The following MBTPS1 variants were observed in gnomAD, a reference collection of about 807,000 sequenced individuals.
MBTPS1 encodes membrane bound transcription factor peptidase, site 1, also known as membrane-bound transcription factor site-1 protease.
MBTPS1 carries 94 observed loss-of-function variants against 127.8 expected under a neutral mutation model. The observed-to-expected ratio is 0.74, with a 90% CI of 0.62 to 0.87. The LOEUF (loss-of-function observed/expected upper bound fraction) is 0.87. Ranked by LOEUF, MBTPS1 falls within the 40% of genes least tolerant of loss-of-function variation. The probability of loss-of-function intolerance (pLI) is 0.00; values close to 1 mark genes in which losing one functional copy is unlikely to be tolerated. For missense variants in MBTPS1, 1,636 were observed against 1,353.2 expected (o/e 1.21, Z -3.28); for synonymous variants, 632 against 509.4 (o/e 1.24, Z -3.24).
In MBTPS1 at chr16:84,065,687, T is replaced by TAC. The variant is rs1256918314; in HGVS notation, c.2431+1_2431+2dup. ...CAAAAGGCCCATGAATGGCATCCTT[T>TAC]ACCTTGGTCCTTGAAAGTCTGTGTT... is the stretch of plus-strand genomic sequence containing the variant. On this transcript the variant is annotated splice_region_variant and intron_variant, in intron 18 of 22. Coordinates refer to ENST00000343411, the MANE Select transcript of MBTPS1 (RefSeq NM_003791.4). The TAC allele has an allele frequency of 6.2e-7, 1 of 1,610,042 alleles. No individual in the cohort carries two copies. The highest frequency in any genetic ancestry group is 8.5e-7 in the Non-Finnish European group (1 of 1,176,532).
At chr16:84,111,719 G>A (rs1334326105) in intron 1 of MBTPS1, among the ~76,000 whole-genome samples, 2 of 152,182 alleles carry the variant, frequency 1.3e-5, no homozygotes, top group South Asian at 2.1e-4. Context: ...TCAGTGAGGC[G>A]GATTCTGGAC....
At position 84,087,472 on chromosome 16, in the gene MBTPS1, C is replaced by CAA; in HGVS notation, c.1032-13_1032-12insTT. The CAA allele has an allele frequency of 6.1e-6, 6 of 981,896 alleles. No homozygotes were observed. The highest frequency in any genetic ancestry group is 4.3e-5 in the South Asian group (2 of 46,692). 60.8% of individuals were successfully genotyped at this position (981,896 alleles called of 1,614,324 possible). On this transcript the variant is annotated splice_polypyrimidine_tract_variant and intron_variant, in intron 8 of 22. Transcript: ENST00000343411. ...GGTTATTCAGAGTGCTATATTGAGA[C>CAA]CAAAAAAAAAAAAAAAGAAAAGAAA...
chr16:84,067,547 T>C (rs898682642), intron 16 of MBTPS1, 120 bp downstream of exon 16: 5 of 797,296 alleles, frequency 6.3e-6, no homozygotes, highest in Non-Finnish European at 1.0e-5. Flanking sequence ...TCAAGCTCTC[T>C]GAATGTGTCT....
intron 11 of MBTPS1, among the ~76,000 whole-genome samples, chr16:84,078,894 G>A (rs761190233): frequency 3.9e-5 from 6 of 152,214 alleles, no homozygotes; most frequent in East Asian, 1.9e-4. Context: ...AGGCGTGTGC[G>A]GAAGCCTGGT....
At chr16:84,095,460 T>A (rs1411351879) in intron 4 of MBTPS1, 142 bp downstream of exon 4, 4 of 784,168 alleles carry the variant, frequency 5.1e-6, no homozygotes, top group East Asian at 5.4e-5. Flanking sequence ...GTAAGAAGGT[T>A]AGATGTGGAA....
intron 14 of MBTPS1, among the ~76,000 whole-genome samples, chr16:84,069,024 G>A (rs1416978188): frequency 2.0e-5 from 3 of 152,134 alleles, no homozygotes; most frequent in Non-Finnish European, 4.4e-5. Context: ...CAGGCCAACG[G>A]GCTTGCCTTG....
intron 16 of MBTPS1, 107 bp from the exon 17 acceptor site, chr16:84,066,720 C>T: frequency 3.5e-6 from 4 of 1,130,096 alleles, no homozygotes; most frequent in South Asian, 1.6e-5. Flanking sequence ...CAATCCAGTC[C>T]TTCCACACTA....
chr16:84,057,995 G>A (rs1318927265), intron 21 of MBTPS1: 1 of 152,210 alleles, frequency 6.6e-6, no homozygotes, highest in African/African-American at 2.4e-5. Context: ...TGCTGACCAT[G>A]GCTGGAATAT....
chr16:84,088,971 C>T (rs548046092), intron 8 of MBTPS1, among the ~76,000 whole-genome samples: 10 of 152,238 alleles, frequency 6.6e-5, no homozygotes, highest in Non-Finnish European at 1.5e-4. Context: ...TCCTTCAACA[C>T]ACCATAAACT....
chr16:84,092,039 C>T (rs1459444745), intron 6 of MBTPS1, among the ~76,000 whole-genome samples, 191 bp from the exon 7 acceptor site: 2 of 152,050 alleles, frequency 1.3e-5, no homozygotes, highest in Non-Finnish European at 2.9e-5. Flanking sequence ...AGTTCTAAGT[C>T]CTTGGAGCTG....
intron 4 of MBTPS1, among the ~76,000 whole-genome samples, chr16:84,094,026 T>C (rs1237318165): frequency 1.3e-5 from 2 of 152,054 alleles, no homozygotes; most frequent in African/African-American, 2.4e-5. Flanking sequence ...GCAGGAGCAA[T>C]GCCATCATCT....
Position 84,073,841 on chromosome 16 carries a change from C to T in MBTPS1, c.1593+756G>A, listed in dbSNP as rs1257032190. On this transcript the variant is annotated intron_variant, in intron 12 of 22. Coordinates refer to ENST00000343411, the MANE Select transcript of MBTPS1 (RefSeq NM_003791.4). ...CCAACATGGTGAAACCCTGTCTCCA[C>T]TAAAAATGCAAAAAATTAGCCAGAC... Among the ~76,000 whole-genome samples, 3 of 152,022 alleles carry T rather than the reference C, an allele frequency of 2.0e-5. No homozygotes were observed. In the East Asian group the frequency reaches 5.8e-4, roughly 29 times the overall value.
chr16:84,054,624 T>C lies in MBTPS1; in HGVS notation c.2984A>G (p.Asn995Ser). 6.2e-7 allele frequency: 1 copy of C among 1,609,362 alleles called. No homozygotes were observed. Among genetic ancestry groups the C allele is most frequent in the East Asian group, 2.2e-5 (1 of 44,638 alleles). Residue 995 changes from asparagine (N) to serine (S), a missense_variant, in exon 23 of 23, where the codon AAC becomes AGC. Coordinates refer to ENST00000343411, the MANE Select transcript of MBTPS1 (RefSeq NM_003791.4). ...IPGGIMPGRY[N>S]QEVGQTIPVF... is the part of the protein sequence containing the mutation. ...AGGAATGGTCTGGCCCACCTCCTGG[T>C]TGTAGCGGCCAGGCATGATCCCTGT...
rs548046092 is a variant in MBTPS1 at position 84,088,971 on chromosome 16, C to A, written c.1032-1511G>T. On this transcript the variant is annotated intron_variant, in intron 8 of 22. Coordinates refer to ENST00000343411, the MANE Select transcript of MBTPS1 (RefSeq NM_003791.4). ...CTGGCAAGGCTCTGCTCCTTCAACA[C>A]ACCATAAACTCACAACTCTGGTAAG... 3.3e-5 allele frequency among the ~76,000 whole-genome samples: 5 copies of A among 152,356 alleles called. No individual in the cohort carries two copies. The East Asian group carries it at 9.6e-4, about 29-fold the overall frequency.
Position 84,095,653 on chromosome 16 carries a change from G to A in MBTPS1, c.574C>T (p.Gln192Ter). The A allele has an allele frequency of 1.2e-6, 2 of 1,614,206 alleles. No individual in the cohort carries two copies. Among genetic ancestry groups the A allele is most frequent in the African/African-American group, 1.3e-5 (1 of 75,052 alleles). ...TCTGCCTGCAGTGTCTGGGCAACCT[G>A]GCGCGGGATGGCTCTCAGCAGCCGT... Reference protein sequence around the residue: ...SRRLLRAIPRQVAQTLQADVL... With the variant: ...SRRLLRAIPR Residue 192 changes from glutamine (Q) to a stop codon, truncating the protein, a stop_gained, in exon 4 of 23, where the codon CAG becomes TAG. Coordinates refer to ENST00000343411, the MANE Select transcript of MBTPS1 (RefSeq NM_003791.4). LOFTEE classifies it high-confidence loss of function.
chr16:84,090,487 G>T (rs557771200), intron 8 of MBTPS1, among the ~76,000 whole-genome samples: 1 of 152,136 alleles, frequency 6.6e-6, no homozygotes, highest in African/African-American at 2.4e-5. Context: ...AACCTCTTCC[G>T]TTTGCCTCTT....
chr16:84,094,501 A>G (rs1458199902), intron 4 of MBTPS1, among the ~76,000 whole-genome samples: 1 of 152,216 alleles, frequency 6.6e-6, no homozygotes, highest in Non-Finnish European at 1.5e-5. Context: ...CTGACCAAAA[A>G]TTCTAGAAAG....
At chr16:84,068,229 C>G (rs1349319419) in intron 15 of MBTPS1, 110 bp downstream of exon 15, 2 of 783,058 alleles carry the variant, frequency 2.6e-6, no homozygotes, top group East Asian at 2.5e-5. Context: ...GCCCACGGCG[C>G]ATACTCCCTT....
intron 17 of MBTPS1, 35 bp from the exon 18 acceptor site, chr16:84,065,802 G>C (rs900036871): frequency 1.6e-6 from 2 of 1,260,962 alleles, no homozygotes; most frequent in African/African-American, 3.1e-5. Context: ...GGGAACACAG[G>C]AACGCCGAAC....
Sources: allele counts gnomAD v4.1 joint callset (sites outside exome capture counted in the v4.1 genomes callset), GRCh38; gene constraint gnomAD v4.1.1; transcripts MANE v1.5; gene names NCBI Gene and HGNC (gene_info 2026-07-23, HGNC 2026-07-21).